Variants in CCDC178 observed in about 807,000 individuals in gnomAD.
CCDC178 encodes coiled-coil domain containing 178, also known as coiled-coil domain-containing protein 178.
In CCDC178, 126 loss-of-function variants were observed where a neutral mutation model predicts 117.4. The observed-to-expected ratio is 1.07, with a 90% confidence interval of 0.93 to 1.24. The LOEUF is 1.24. Among genes scored for constraint, CCDC178 ranks in the 50% most tolerant of loss-of-function variants. The pLI is 0.00. For synonymous variants in CCDC178, 283 were observed against 313.4 expected, an observed-to-expected ratio of 0.90 and a Z score of 1.02; for missense variants, 1,030 against 986.9, an observed-to-expected ratio of 1.04 and a Z score of -0.59.
At chr18:33,272,580 GACAA>G (rs1270439348) in intron 12 of CCDC178, among the ~76,000 whole-genome samples, 1 of 151,482 alleles carries the variant, frequency 6.6e-6, no homozygotes, top group Non-Finnish European at 1.5e-5. Flanking sequence ...AGCATATCCT[GACAA>G]GACATCACAA....
chr18:32,948,230 T>C (rs920643571), intron 22 of CCDC178, among the ~76,000 whole-genome samples: 2 of 152,114 alleles, frequency 1.3e-5, no homozygotes, highest in African/African-American at 4.8e-5. Context: ...TCAATTGTTA[T>C]GAAAAAGCGT....
At chr18:33,199,468 A>T (rs1458557258) in intron 20 of CCDC178, among the ~76,000 whole-genome samples, 1 of 152,096 alleles carries the variant, frequency 6.6e-6, no homozygotes, top group Admixed American at 6.6e-5. Flanking sequence ...GTGATGACTT[A>T]TCCAACATTT....
intron 20 of CCDC178, among the ~76,000 whole-genome samples, chr18:33,211,002 T>C (rs2059100748): frequency 6.6e-6 from 1 of 151,624 alleles, no homozygotes; most frequent in Admixed American, 6.6e-5. Flanking sequence ...AAATAGTCTT[T>C]AAAAAAAAGT....
intron 20 of CCDC178, among the ~76,000 whole-genome samples, chr18:33,177,527 C>T (rs896556115): frequency 6.6e-6 from 1 of 152,046 alleles, no homozygotes; most frequent in African/African-American, 2.4e-5. Context: ...CTCCTTTGCT[C>T]GTGTAAAACA....
At chr18:33,019,847 C>T (rs1409535791) in intron 21 of CCDC178, among the ~76,000 whole-genome samples, 1 of 151,272 alleles carries the variant, frequency 6.6e-6, no homozygotes, top group East Asian at 1.9e-4. Flanking sequence ...ATCTAAATAC[C>T]ATAAATCAGA....
At chr18:33,330,787 G>A (rs903848153) in intron 10 of CCDC178, among the ~76,000 whole-genome samples, 6 of 152,078 alleles carry the variant, frequency 3.9e-5, no homozygotes, top group African/African-American at 1.4e-4. Flanking sequence ...TTGCTCAGAG[G>A]AGGTCAGTTT....
intron 6 of CCDC178, among the ~76,000 whole-genome samples, chr18:33,360,056 AT>A (rs1340770759): frequency 8.0e-5 from 12 of 150,394 alleles, no homozygotes; most frequent in African/African-American, 1.2e-4. Flanking sequence ...TATGTTAGAA[AT>A]TTTTTTTTAA....
At chr18:33,376,309 C>A (rs551540786) in intron 5 of CCDC178, among the ~76,000 whole-genome samples, 1 of 152,112 alleles carries the variant, frequency 6.6e-6, no homozygotes, top group East Asian at 1.9e-4. Context: ...GAGGGGAGAG[C>A]CCTTTTTTGC....
At chr18:33,156,380 A>T (rs2144361837) in intron 20 of CCDC178, among the ~76,000 whole-genome samples, 1 of 150,776 alleles carries the variant, frequency 6.6e-6, no homozygotes, top group East Asian at 1.9e-4. Flanking sequence ...GAGCCACCGC[A>T]CCCTGCTGAA....
chr18:33,146,622 G>T (rs891983511), intron 20 of CCDC178, among the ~76,000 whole-genome samples: 4 of 152,180 alleles, frequency 2.6e-5, no homozygotes, highest in Non-Finnish European at 5.9e-5. Flanking sequence ...CTGCACTCCA[G>T]CCTGGGTGAC....
intron 21 of CCDC178, among the ~76,000 whole-genome samples, chr18:33,082,364 C>T (rs1192400150): frequency 6.6e-6 from 1 of 152,078 alleles, no homozygotes; most frequent in Non-Finnish European, 1.5e-5. Flanking sequence ...CCCAGCTACT[C>T]AGGGGGCTGA....
At chr18:32,966,459 T>G (rs1173171973) in intron 22 of CCDC178, among the ~76,000 whole-genome samples, 1 of 151,864 alleles carries the variant, frequency 6.6e-6, no homozygotes, top group Non-Finnish European at 1.5e-5. Context: ...TATATGACCC[T>G]TTAAAAAATG....
intron 9 of CCDC178, among the ~76,000 whole-genome samples, chr18:33,344,423 A>T (rs892951736): frequency 4.6e-5 from 7 of 152,110 alleles, no homozygotes; most frequent in South Asian, 4.1e-4. Flanking sequence ...TTTTCTAAGT[A>T]GATCTTGTAT....
chr18:33,299,170 A>G (rs2062144649), intron 11 of CCDC178, among the ~76,000 whole-genome samples: 1 of 152,124 alleles, frequency 6.6e-6, no homozygotes, highest in Non-Finnish European at 1.5e-5. Context: ...ATTTTGAGCA[A>G]AACAACAAAG....
intron 21 of CCDC178, among the ~76,000 whole-genome samples, chr18:32,975,934 C>T (rs2055020065): frequency 6.6e-6 from 1 of 152,088 alleles, no homozygotes; most frequent in Non-Finnish European, 1.5e-5. Flanking sequence ...AAACAATTCA[C>T]TTAACTAAAT....
At chr18:33,261,162 C>A (rs186360273) in intron 14 of CCDC178, among the ~76,000 whole-genome samples, 1 of 152,048 alleles carries the variant, frequency 6.6e-6, no homozygotes, top group Admixed American at 6.5e-5. Flanking sequence ...CGGCTCACTG[C>A]GAGCTCCGCC....
intron 21 of CCDC178, among the ~76,000 whole-genome samples, chr18:33,033,350 A>C (rs1323738236): frequency 6.6e-6 from 1 of 152,042 alleles, no homozygotes; most frequent in African/African-American, 2.4e-5. Flanking sequence ...TGTCGCCTCC[A>C]AGGAAAAAAG....
At chr18:33,361,589 T>C (rs2063128812) in intron 6 of CCDC178, among the ~76,000 whole-genome samples, 1 of 151,706 alleles carries the variant, frequency 6.6e-6, no homozygotes. Flanking sequence ...ATGAAAAATG[T>C]ATTAAAAACT....
chr18:33,065,162 G>C (rs2056990075), intron 21 of CCDC178, among the ~76,000 whole-genome samples: 1 of 152,148 alleles, frequency 6.6e-6, no homozygotes, highest in African/African-American at 2.4e-5. Context: ...TTAGATAGAA[G>C]AGATAAGTTC....
Sources: gnomAD v4.1 joint callset for allele counts (sites outside exome capture counted in the v4.1 genomes callset) on GRCh38, gnomAD v4.1.1 for gene constraint, MANE v1.5 for transcripts, NCBI Gene and HGNC (gene_info 2026-07-23, HGNC 2026-07-21) for gene names.